Variants in CNGA3 observed in about 807,000 individuals in gnomAD.
CNGA3 encodes the protein cyclic nucleotide-gated channel alpha-3.
In CNGA3, 42 loss-of-function variants were observed where a neutral mutation model predicts 46.6. That is an observed-to-expected ratio of 0.90 (90% CI 0.70 to 1.17). CNGA3 has a LOEUF of 1.17. CNGA3 is among the 50% of genes most tolerant of loss of function. CNGA3 has a pLI of 0.00. For synonymous variants in CNGA3, 394 were observed against 369.4 expected (o/e 1.07, Z -0.76); for missense variants, 893 against 890.7 (o/e 1.00, Z -0.03).
chr2:98,368,583 G>A (rs1692215844), intron 1 of CNGA3, among the ~76,000 whole-genome samples: 1 of 152,230 alleles, frequency 6.6e-6, no homozygotes, highest in Non-Finnish European at 1.5e-5. Flanking sequence ...TGGCACAAGT[G>A]TAACTGCCCA....
intron 1 of CNGA3, among the ~76,000 whole-genome samples, chr2:98,356,460 T>G (rs1304657885): frequency 1.3e-5 from 2 of 152,092 alleles, no homozygotes; most frequent in Non-Finnish European, 2.9e-5. Context: ...CTGTCCTGAT[T>G]GAGATTTCGG....
At chr2:98,364,739 G>A (rs1447865427) in intron 1 of CNGA3, among the ~76,000 whole-genome samples, 2 of 152,160 alleles carry the variant, frequency 1.3e-5, no homozygotes, top group Non-Finnish European at 2.9e-5. Context: ...GTCTGTTTTT[G>A]TAGTGGCTGA....
chr2:98,380,284 G>A lies in CNGA3; in HGVS notation c.325G>A (p.Glu109Lys), dbSNP rs781208142. 6 of 1,614,220 alleles carry A rather than the reference G, an allele frequency of 3.7e-6. No homozygotes were observed. The highest frequency in any genetic ancestry group is 3.4e-6 in the Non-Finnish European group (4 of 1,180,038). Residue 109 changes from glutamate (E) to lysine (K), a missense_variant, in exon 4 of 8, where the codon GAG (glutamate) becomes AAG (lysine). Physicochemically the swap from Glu to Lys is moderately conservative, Grantham distance 56 (BLOSUM62 1). This residue lies in a region of CNGA3 where 333 missense variants were observed against 290.8 expected (regional missense o/e 1.15). Coordinates refer to ENST00000272602, the MANE Select transcript of CNGA3 (RefSeq NM_001298.3). The stretch of plus-strand genomic sequence containing the variant: ...TCGTTTCCGTGGAGCCGAGCTTAAG[G>A]AGGTGTCCAGCCAAGAAAGCAATGC... ...PDRFRGAELK[E>K]VSSQESNAQA...
chr2:98,365,356 C>T (rs1258554703), intron 1 of CNGA3, among the ~76,000 whole-genome samples: 1 of 152,158 alleles, frequency 6.6e-6, no homozygotes, highest in Non-Finnish European at 1.5e-5. Flanking sequence ...TTCATTTCAA[C>T]CTTGGAGAAT....
chr2:98,353,589 G>A (rs762264698), intron 1 of CNGA3, among the ~76,000 whole-genome samples: 3 of 152,100 alleles, frequency 2.0e-5, no homozygotes, highest in East Asian at 1.9e-4. Flanking sequence ...TATGCAAAAT[G>A]GCATAGTATT....
chr2:98,349,664 A>G (rs1691732211), intron 1 of CNGA3, among the ~76,000 whole-genome samples: 1 of 152,220 alleles, frequency 6.6e-6, no homozygotes, highest in South Asian at 2.1e-4. Context: ...GAGCTCAAAG[A>G]GACCAGAAGC....
chr2:98,363,669 A>T (rs1300403250), intron 1 of CNGA3, among the ~76,000 whole-genome samples: 2 of 152,096 alleles, frequency 1.3e-5, no homozygotes, highest in African/African-American at 4.8e-5. Flanking sequence ...GGCTTTTATT[A>T]TTTTGTTATT....
intron 1 of CNGA3, among the ~76,000 whole-genome samples, chr2:98,363,557 T>C (rs2104155153): frequency 6.6e-6 from 1 of 152,344 alleles, no homozygotes; most frequent in Middle Eastern, 3.4e-3. Flanking sequence ...GTTTTCTAGA[T>C]ATAGGATCTA....
Position 98,395,843 on chromosome 2 carries a change from G to C in CNGA3, c.674-1G>C, listed in dbSNP as rs949254623. On this transcript the variant is annotated splice_acceptor_variant, in intron 7 of 7. Coordinates refer to ENST00000272602, the MANE Select transcript of CNGA3 (RefSeq NM_001298.3). LOFTEE classifies it high-confidence loss of function. ...CCAATGACCTCCATCTTCTTCTTTA[G>C]GTTTTCTCGAGCAAGGCTTAATGGT... 4.3e-6 allele frequency: 7 copies of C among 1,613,966 alleles called. No individual in the cohort carries two copies. Among genetic ancestry groups the C allele is most frequent in the African/African-American group, 1.3e-5 (1 of 74,908 alleles).
intron 1 of CNGA3, among the ~76,000 whole-genome samples, chr2:98,364,921 G>T (rs1692111262): frequency 6.6e-6 from 1 of 152,170 alleles, no homozygotes; most frequent in East Asian, 1.9e-4. Flanking sequence ...TTTTCTTTAA[G>T]AGTATTGAAT....
Position 98,383,442 on chromosome 2 carries a change from G to C in CNGA3, c.449+1G>C, listed in dbSNP as rs1389326749. On this transcript the variant is annotated splice_donor_variant, in intron 5 of 7. Coordinates refer to ENST00000272602, the MANE Select transcript of CNGA3 (RefSeq NM_001298.3). LOFTEE classifies it high-confidence loss of function. ...ACACCAGCAACAACACGGAGGAGGA[G>C]TAAGTACCCACACACCCAGCAGAGC... 1.2e-6 allele frequency: 2 copies of C among 1,614,074 alleles called. No homozygotes were observed. The highest frequency in any genetic ancestry group is 2.7e-5 in the African/African-American group (2 of 74,914).
intron 3 of CNGA3, chr2:98,378,189 G>A (rs1211086469): frequency 5.2e-6 from 8 of 1,550,232 alleles, no homozygotes; most frequent in Admixed American, 2.0e-5. Context: ...GCTCTGGCAG[G>A]GTCTCCCGGG....
At chr2:98,391,578 C>T (rs775513627) in intron 6 of CNGA3, among the ~76,000 whole-genome samples, 39 of 152,196 alleles carry the variant, frequency 2.6e-4, no homozygotes, top group Admixed American at 1.5e-3. Flanking sequence ...GCCTGGAAAA[C>T]GGTACCTCCT....
chr2:98,367,176 C>CTTTTTTTTT (rs1182363811), intron 1 of CNGA3, among the ~76,000 whole-genome samples: 8 of 115,520 alleles, frequency 6.9e-5, no homozygotes, highest in Admixed American at 2.0e-4. Flanking sequence ...TGTTTTTTTT[C>CTTTTTTTTT]TTTTTTTTCT....
chr2:98,352,742 G>T (rs1265554511), intron 1 of CNGA3, among the ~76,000 whole-genome samples: 1 of 152,136 alleles, frequency 6.6e-6, no homozygotes, highest in Non-Finnish European at 1.5e-5. Flanking sequence ...GTAGAAGAAA[G>T]GGGAATTCAT....
intron 7 of CNGA3, among the ~76,000 whole-genome samples, chr2:98,394,700 G>A (rs1692867138): frequency 6.6e-6 from 1 of 152,066 alleles, no homozygotes; most frequent in African/African-American, 2.4e-5. Context: ...GCAAACCCCA[G>A]GCAGTAAGCA....
intron 1 of CNGA3, among the ~76,000 whole-genome samples, chr2:98,363,323 T>A (rs1692075814): frequency 1.3e-5 from 2 of 152,218 alleles, no homozygotes; most frequent in South Asian, 4.1e-4. Flanking sequence ...CTCTGATTTC[T>A]TTGAGCAGTG....
At chr2:98,367,185 CT>C (rs558997785) in intron 1 of CNGA3, among the ~76,000 whole-genome samples, 104 of 95,218 alleles carry the variant, frequency 1.1e-3, no homozygotes, top group South Asian at 5.4e-3. Flanking sequence ...TCTTTTTTTT[CT>C]TTTTTTTTTT....
In CNGA3 at chr2:98,396,358, G is replaced by A; in HGVS notation, c.1188G>A (p.Val396=). Reference sequence around the variant, plus strand: ...GTGTTCTGATTTTTGCCACCATTGTGGGCAATGTGGGCTCCATGATCTCGA... The same window carrying A: ...GTGTTCTGATTTTTGCCACCATTGTAGGCAATGTGGGCTCCATGATCTCGA... ...LVGVLIFATI[V]GNVGSMISNM... is the part of the protein sequence containing the mutation. Residue 396 remains valine (V), a synonymous_variant, in exon 8 of 8, where the codon GTG becomes GTA. Coordinates refer to ENST00000272602, the MANE Select transcript of CNGA3 (RefSeq NM_001298.3). 3 of 1,613,228 alleles carry A rather than the reference G, an allele frequency of 1.9e-6. No individual in the cohort carries two copies. Among genetic ancestry groups the A allele is most frequent in the Non-Finnish European group, 2.5e-6 (3 of 1,179,386 alleles).
Sources: gnomAD v4.1 joint callset for allele counts (sites outside exome capture counted in the v4.1 genomes callset) on GRCh38, gnomAD v4.1.1 for gene constraint, gnomAD v4.1.1 regional missense constraint, MANE v1.5 for transcripts, NCBI Gene and HGNC (gene_info 2026-07-23, HGNC 2026-07-21) for gene names.